NCAM1: variants seen among roughly 807,000 people sequenced by gnomAD.
The protein encoded by NCAM1 is neural cell adhesion molecule 1.
In NCAM1, 14 loss-of-function variants were observed where a neutral mutation model predicts 109.8. The ratio of observed to expected loss-of-function variants is 0.13; its 90% CI spans 0.08 to 0.20. NCAM1 has a LOEUF of 0.20. Ranked by LOEUF, NCAM1 falls within the 10% of genes least tolerant of loss-of-function variation. The probability of loss-of-function intolerance (pLI) is 1.00; values close to 1 mark genes in which losing one functional copy is unlikely to be tolerated. For synonymous variants in NCAM1, 418 were observed against 442.9 expected, an observed-to-expected ratio of 0.94 and a Z score of 0.70; for missense variants, 774 against 1,109.9, an observed-to-expected ratio of 0.70 and a Z score of 4.30.
chr11:113,245,514 T>C (rs1347180516), intron 14 of NCAM1, among the ~76,000 whole-genome samples: 1 of 152,194 alleles, frequency 6.6e-6, no homozygotes, highest in African/African-American at 2.4e-5. Context: ...GGGCCAAAGG[T>C]ACAGTTTCTG....
intron 1 of NCAM1, among the ~76,000 whole-genome samples, chr11:113,052,821 G>A (rs972860241): frequency 1.9e-4 from 29 of 152,266 alleles, no homozygotes; most frequent in African/African-American, 6.7e-4. Context: ...GCATGCACTA[G>A]CTATTTGTCC....
intron 1 of NCAM1, among the ~76,000 whole-genome samples, chr11:112,991,465 T>G (rs782358869): frequency 7.9e-5 from 12 of 151,814 alleles, no homozygotes; most frequent in Non-Finnish European, 1.5e-4. Context: ...ATCCACTAAG[T>G]GATTTTTTGC....
At chr11:113,237,941 TATATATAGATATATAG>T (rs782784906) in intron 14 of NCAM1, among the ~76,000 whole-genome samples, 3,830 of 20,042 alleles carry the variant, frequency 0.19, 80 homozygotes, top group Middle Eastern at 0.3. Context: ...TATATAGATA[TATATATAGATATATAG>T]ATAGATAGAT....
chr11:113,049,391 A>G (rs1286403656), intron 1 of NCAM1, among the ~76,000 whole-genome samples: 5 of 152,146 alleles, frequency 3.3e-5, no homozygotes, highest in African/African-American at 1.2e-4. Context: ...TGCCTTTGAA[A>G]CTCATGGATC....
In NCAM1 at chr11:112,963,633, ACGCGACCTGT is replaced by A. The variant is rs1950636713; in HGVS notation, c.52+1971_52+1980del. Among the ~76,000 whole-genome samples the A allele has an allele frequency of 6.6e-6, 1 of 152,128 alleles. No individual in the cohort carries two copies. Among genetic ancestry groups the A allele is most frequent in the Non-Finnish European group, 1.5e-5 (1 of 68,014 alleles). ...TTCCGCGGTGCCCGTGGGTGCCGCG[ACGCGACCTGT>A]CCACATGGGGCGGGGGAAGGGGGGT... is the stretch of plus-strand genomic sequence containing the variant. On this transcript the variant is annotated intron_variant, in intron 1 of 19. Coordinates refer to ENST00000316851, the MANE Select transcript of NCAM1 (RefSeq NM_181351.5). The surrounding 1 kb of genome is among the most constrained non-coding windows in gnomAD (Gnocchi z 4.6).
intron 1 of NCAM1, among the ~76,000 whole-genome samples, chr11:112,990,698 C>G (rs1309928971): frequency 6.6e-6 from 1 of 152,008 alleles, no homozygotes; most frequent in Non-Finnish European, 1.5e-5. Flanking sequence ...TTCTGGGTCC[C>G]AGGGTGAATG....
chr11:112,985,039 C>T (rs1312546426), intron 1 of NCAM1, among the ~76,000 whole-genome samples: 2 of 151,654 alleles, frequency 1.3e-5, no homozygotes, highest in African/African-American at 4.8e-5. Flanking sequence ...GTCTTTAATT[C>T]ATTTTGAGTT....
intron 1 of NCAM1, among the ~76,000 whole-genome samples, chr11:113,006,664 G>A (rs1248220740): frequency 6.6e-6 from 1 of 152,140 alleles, no homozygotes; most frequent in Non-Finnish European, 1.5e-5. Context: ...AGTTGAACCA[G>A]TAGGTTTTTG....
At chr11:113,238,707 A>T (rs1161103770) in intron 14 of NCAM1, among the ~76,000 whole-genome samples, 1 of 152,230 alleles carries the variant, frequency 6.6e-6, no homozygotes, top group African/African-American at 2.4e-5. Context: ...TGAGCCCAAG[A>T]ACCAGTGGCA....
chr11:113,267,885 GAT>G (rs1946169580), intron 17 of NCAM1, among the ~76,000 whole-genome samples: 1 of 152,308 alleles, frequency 6.6e-6, no homozygotes, highest in South Asian at 2.1e-4. Flanking sequence ...CCTCTTTAGA[GAT>G]ATGATTAGTT....
At chr11:113,210,245 G>A (rs1944349905) in intron 7 of NCAM1, among the ~76,000 whole-genome samples, 1 of 152,150 alleles carries the variant, frequency 6.6e-6, no homozygotes, top group African/African-American at 2.4e-5. Flanking sequence ...AATGTGCCAA[G>A]CATTCTGTGA....
intron 1 of NCAM1, among the ~76,000 whole-genome samples, chr11:113,185,079 T>TATATATAGAGAGAGAG: frequency 2.4e-5 from 3 of 125,744 alleles, no homozygotes; most frequent in East Asian, 5.7e-4. Flanking sequence ...TATATATATA[T>TATATATAGAGAGAGAG]AGAGAGAGAG....
chr11:113,032,961 G>C (rs1210521803), intron 1 of NCAM1, among the ~76,000 whole-genome samples: 1 of 152,214 alleles, frequency 6.6e-6, no homozygotes. Flanking sequence ...TTCTGAGTCA[G>C]GTTCTTGCCT....
rs1944234624 is a variant in NCAM1 at position 113,206,245 on chromosome 11, CTT to C, written c.628+67_628+68del. Reference sequence around the variant, plus strand: ...AACCTTGGTTCTCCAAAATCATTCTCTTTAACTTCCTCTTGGGTCTGTAAATT... The same window carrying C: ...AACCTTGGTTCTCCAAAATCATTCTCTAACTTCCTCTTGGGTCTGTAAATT... On this transcript the variant is annotated intron_variant, in intron 5 of 19. Coordinates refer to ENST00000316851, the MANE Select transcript of NCAM1 (RefSeq NM_181351.5). 3.2e-5 allele frequency: 48 copies of C among 1,499,932 alleles called. No homozygotes were observed. The East Asian group carries it at 1.0e-3, about 32-fold the overall frequency. The allele number at this position is 1,499,932 out of a possible 1,614,324, so 92.9% of individuals were successfully genotyped here.
chr11:112,978,042 G>A (rs563873522), intron 1 of NCAM1, among the ~76,000 whole-genome samples: 1 of 151,840 alleles, frequency 6.6e-6, no homozygotes, highest in Non-Finnish European at 1.5e-5. Flanking sequence ...TGCAATCCCA[G>A]TGTGTAAGGA....
At chr11:113,173,587 ACC>A (rs1555106565) in intron 1 of NCAM1, among the ~76,000 whole-genome samples, 32 of 46,728 alleles carry the variant, frequency 6.8e-4, no homozygotes, top group Non-Finnish European at 1.1e-3. Context: ...TTAGCATGTT[ACC>A]TGATATATAT....
chr11:112,978,114 C>A (rs1420335881), intron 1 of NCAM1, among the ~76,000 whole-genome samples: 21 of 151,676 alleles, frequency 1.4e-4, no homozygotes, highest in African/African-American at 5.1e-4. Flanking sequence ...AGTCTATGTT[C>A]TTGTACATCT....
At chr11:113,219,439 C>G (rs1276488452) in intron 8 of NCAM1, among the ~76,000 whole-genome samples, 1 of 152,192 alleles carries the variant, frequency 6.6e-6, no homozygotes, top group African/African-American at 2.4e-5. Flanking sequence ...TATATGTGTT[C>G]CTGCAGACTT....
chr11:113,132,746 C>T (rs941015713), intron 1 of NCAM1, among the ~76,000 whole-genome samples: 2 of 151,724 alleles, frequency 1.3e-5, no homozygotes, highest in East Asian at 1.9e-4. Context: ...GTCCATTTCC[C>T]CTGTTTAGTG....
Sources: allele counts gnomAD v4.1 joint callset (sites outside exome capture counted in the v4.1 genomes callset), GRCh38; gene constraint gnomAD v4.1.1; non-coding constraint Gnocchi (gnomAD v3.1); transcripts MANE v1.5; gene names NCBI Gene and HGNC (gene_info 2026-07-23, HGNC 2026-07-21).